The following PCDHGA5 variants were observed in gnomAD, a reference collection of about 807,000 sequenced individuals.
The protein encoded by PCDHGA5 is protocadherin gamma-A5.
PCDHGA5 carries 36 observed loss-of-function variants against 56.7 expected under a neutral mutation model. The observed-to-expected ratio is 0.64, with a 90% CI of 0.49 to 0.84. The LOEUF is 0.84. PCDHGA5 is among the 40% of genes least tolerant of loss of function. PCDHGA5 has a pLI of 0.00. For missense variants in PCDHGA5, 1,305 were observed against 1,201.5 expected (o/e 1.09, Z -1.27); for synonymous variants, 563 against 520.2 (o/e 1.08, Z -1.12).
chr5:141,409,887 T>C, intron 1 of PCDHGA5: 2 of 1,613,062 alleles, frequency 1.2e-6, no homozygotes, highest in Admixed American at 1.7e-5. Context: ...GCACCGCGGG[T>C]GCTGTACCCA....
Position 141,409,574 on chromosome 5 carries a change from G to C in PCDHGA5, c.2421+42823G>C, listed in dbSNP as rs752388742. ...CCCAGTTTTCGACCAGACGTCCTACGTGGTCCACGTGGCCGAGAACAACCC... is the reference window on the plus strand; with the variant it reads ...CCCAGTTTTCGACCAGACGTCCTACCTGGTCCACGTGGCCGAGAACAACCC... On this transcript the variant is annotated intron_variant, in intron 1 of 3. Coordinates refer to ENST00000518069, the MANE Select transcript of PCDHGA5 (RefSeq NM_018918.3). 32 of 1,613,902 alleles carry C rather than the reference G, an allele frequency of 2.0e-5. No individual in the cohort carries two copies. In the East Asian group the frequency reaches 6.9e-4, roughly 35 times the overall value.
chr5:141,463,467 G>A (rs200270457), intron 1 of PCDHGA5, among the ~76,000 whole-genome samples: 2,116 of 11,250 alleles, frequency 0.19, 39 homozygotes, highest in East Asian at 0.24. Context: ...TTTTTTTTTT[G>A]AGATGGAGTC....
At chr5:141,500,582 T>G (rs534297929) in intron 2 of PCDHGA5, among the ~76,000 whole-genome samples, 29 of 152,314 alleles carry the variant, frequency 1.9e-4, no homozygotes, top group African/African-American at 6.7e-4. Flanking sequence ...ATGTGACACT[T>G]TATTCACATA....
chr5:141,445,272 T>C (rs1057201147), intron 1 of PCDHGA5, among the ~76,000 whole-genome samples: 1 of 152,236 alleles, frequency 6.6e-6, no homozygotes, highest in Non-Finnish European at 1.5e-5. Flanking sequence ...TCGAAACCAC[T>C]CTGCATAAGT....
chr5:141,378,155 T>C (rs1471483193), intron 1 of PCDHGA5: 1 of 152,258 alleles, frequency 6.6e-6, no homozygotes, highest in Non-Finnish European at 1.5e-5. Flanking sequence ...AATTATTGGG[T>C]TGTTAACAAT....
chr5:141,414,106 CTAGA>C, intron 1 of PCDHGA5: 1 of 1,592,656 alleles, frequency 6.3e-7, no homozygotes, highest in Non-Finnish European at 8.6e-7. Flanking sequence ...ATCAGAAAAT[CTAGA>C]TTATGAAGAA....
At chr5:141,393,889 A>T (rs771844364) in intron 1 of PCDHGA5, 3 of 1,613,998 alleles carry the variant, frequency 1.9e-6, no homozygotes, top group Admixed American at 3.3e-5. Flanking sequence ...GTGTTAGAAA[A>T]TTCTCTTCCC....
chr5:141,438,631 TATATACACACAC>T (rs1290318462), intron 1 of PCDHGA5, among the ~76,000 whole-genome samples: 214 of 43,192 alleles, frequency 5.0e-3, no homozygotes, highest in Non-Finnish European at 6.1e-3. Flanking sequence ...TATATATATA[TATATACACACAC>T]ACACACACAT....
At chr5:141,410,888 C>G in intron 1 of PCDHGA5, 1 of 290,774 alleles carries the variant, frequency 3.4e-6, no homozygotes, top group Non-Finnish European at 5.6e-6. Flanking sequence ...GAGTCTCGCA[C>G]TGTTGCCTAG....
At position 141,364,210 on chromosome 5, in the gene PCDHGA5, C is replaced by T; in HGVS notation, c.-121C>T. 1 of 1,234,376 alleles carries T rather than the reference C, an allele frequency of 8.1e-7. No homozygotes were observed. Among genetic ancestry groups the T allele is most frequent in the East Asian group, 2.6e-5 (1 of 38,142 alleles). The allele number at this position is 1,234,376 out of a possible 1,614,324, so 76.5% of individuals were successfully genotyped here. A position where few individuals can be genotyped will look rare whatever the true frequency, so the allele number is the denominator to read the frequency against. On this transcript the variant is annotated 5_prime_UTR_variant, in exon 1 of 4. Transcript: ENST00000518069. ...CTAAACACACAGACCAGACAAGCTC[C>T]TACGAAAAGCCAACGCTCCACGCCC...
At chr5:141,411,880 A>G (rs1030232942) in intron 1 of PCDHGA5, 2 of 152,240 alleles carry the variant, frequency 1.3e-5, no homozygotes, top group African/African-American at 4.8e-5. Flanking sequence ...GACATTTCTA[A>G]GAAATAAATG....
intron 1 of PCDHGA5, among the ~76,000 whole-genome samples, chr5:141,462,012 G>A (rs1046109009): frequency 9.9e-5 from 15 of 152,128 alleles, no homozygotes; most frequent in Admixed American, 5.9e-4. Context: ...TAATAGAGAC[G>A]GGGTTTCTTC....
Position 141,431,054 on chromosome 5 carries a change from G to T in PCDHGA5, c.2422-63753G>T. 6.2e-7 allele frequency: 1 copy of T among 1,614,198 alleles called. No individual in the cohort carries two copies. The highest frequency in any genetic ancestry group is 8.5e-7 in the Non-Finnish European group (1 of 1,180,004). ...AGACCGGGAGGAGCTCTGTATGGGG[G>T]CCATCAAGTGTCAATTAAATCTAGA... On this transcript the variant is annotated intron_variant, in intron 1 of 3. Transcript: ENST00000518069. This position sits in a 1 kb window ranked among gnomAD's most constrained non-coding sequence, Gnocchi z 4.8.
At chr5:141,398,730 C>T (rs200411955) in intron 1 of PCDHGA5, 568 of 1,613,656 alleles carry the variant, frequency 3.5e-4, no homozygotes, top group Non-Finnish European at 4.6e-4. Context: ...AAACCTTAGA[C>T]CGGGAACAAC....
Position 141,432,035 on chromosome 5 carries a change from G to T in PCDHGA5, c.2422-62772G>T. 1 of 1,614,218 alleles carries T rather than the reference G, an allele frequency of 6.2e-7. No homozygotes were observed. The highest frequency in any genetic ancestry group is 1.1e-5 in the South Asian group (1 of 91,066). On this transcript the variant is annotated intron_variant, in intron 1 of 3. Transcript: ENST00000518069. The surrounding 1 kb of genome is among the most constrained non-coding windows in gnomAD (Gnocchi z 6.0). ...CTACAACATCACAGTGACCGCCACT[G>T]ACCGGGGAACCCCGCCCCTATCCAC... is the stretch of plus-strand genomic sequence containing the variant.
chr5:141,413,721 C>T (rs779673406), intron 1 of PCDHGA5: 1 of 1,613,592 alleles, frequency 6.2e-7, no homozygotes, highest in South Asian at 1.1e-5. Context: ...ATAAGCACTT[C>T]TCCCTAAGAG....
At position 141,403,020 on chromosome 5, in the gene PCDHGA5, T is replaced by A. The variant is rs761279674; in HGVS notation, c.2421+36269T>A. ...CTGCTATGCTCGCTCCTGGGGATGCTATGGGAGGCCAGGGCCAGTCAGATT... is the reference window on the plus strand; with the variant it reads ...CTGCTATGCTCGCTCCTGGGGATGCAATGGGAGGCCAGGGCCAGTCAGATT... On this transcript the variant is annotated intron_variant, in intron 1 of 3. Transcript: ENST00000518069. The A allele has an allele frequency of 8.1e-6, 13 of 1,614,034 alleles. 1 individual carries two copies. The South Asian group carries it at 1.4e-4, about 18-fold the overall frequency.
At chr5:141,396,487 G>A (rs1196823269) in intron 1 of PCDHGA5, 1 of 152,122 alleles carries the variant, frequency 6.6e-6, no homozygotes, top group Non-Finnish European at 1.5e-5. Flanking sequence ...AGGCATGGTG[G>A]CATGCGCCTG....
intron 1 of PCDHGA5, among the ~76,000 whole-genome samples, chr5:141,425,812 G>A (rs1472168775): frequency 6.6e-6 from 1 of 152,054 alleles, no homozygotes; most frequent in African/African-American, 2.4e-5. Context: ...CTTCTGCTTA[G>A]AAAAAAACAA....
Sources: allele counts gnomAD v4.1 joint callset (sites outside exome capture counted in the v4.1 genomes callset), GRCh38; gene constraint gnomAD v4.1.1; non-coding constraint Gnocchi (gnomAD v3.1); transcripts MANE v1.5; gene names NCBI Gene and HGNC (gene_info 2026-07-23, HGNC 2026-07-21).